CSMD1: variants seen among roughly 807,000 people sequenced by gnomAD.
CSMD1 encodes the protein CUB and sushi domain-containing protein 1.
Under a neutral mutation model 417.5 loss-of-function variants are expected in CSMD1, and 213 were observed. That is an observed-to-expected ratio of 0.51 (90% CI 0.46 to 0.57). The LOEUF (loss-of-function observed/expected upper bound fraction) is 0.57. Ranked by LOEUF, CSMD1 falls within the 20% of genes least tolerant of loss-of-function variation. The probability of loss-of-function intolerance (pLI) is 0.00; values close to 1 mark genes in which losing one functional copy is unlikely to be tolerated. For missense variants in CSMD1, 6,923 were observed against 4,529.7 expected (o/e 1.53, Z -15.17); for synonymous variants, 2,862 against 1,736.8 (o/e 1.65, Z -16.11).
intron 3 of CSMD1, among the ~76,000 whole-genome samples, chr8:4,186,494 A>C (rs533824548): frequency 1.3e-5 from 2 of 152,166 alleles, no homozygotes; most frequent in African/African-American, 2.4e-5. Flanking sequence ...TAAATAAATA[A>C]GATGGAATTT....
intron 1 of CSMD1, among the ~76,000 whole-genome samples, chr8:4,932,895 G>A (rs1454356465): frequency 6.6e-6 from 1 of 152,104 alleles, no homozygotes; most frequent in Non-Finnish European, 1.5e-5. Context: ...TTTTTACTAT[G>A]GCTTAAAATT....
At chr8:4,720,855 GA>G in intron 1 of CSMD1, among the ~76,000 whole-genome samples, 1 of 152,254 alleles carries the variant, frequency 6.6e-6, no homozygotes, top group South Asian at 2.1e-4. Flanking sequence ...GAAGCCAAGG[GA>G]AAACCAAGAT....
chr8:4,245,941 T>C (rs752635681), intron 3 of CSMD1, among the ~76,000 whole-genome samples: 1 of 152,204 alleles, frequency 6.6e-6, no homozygotes, highest in East Asian at 1.9e-4. Flanking sequence ...AAATGACTTT[T>C]CCTTCTAAAC....
chr8:4,452,653 G>A (rs7825748), intron 2 of CSMD1, among the ~76,000 whole-genome samples: 61,753 of 151,932 alleles, frequency 0.41, 12,837 homozygotes, highest in Middle Eastern at 0.55. Flanking sequence ...TGAGTGAAAC[G>A]TAACATTGCA....
At chr8:3,817,736 G>A (rs1254117613) in intron 5 of CSMD1, among the ~76,000 whole-genome samples, 3 of 152,078 alleles carry the variant, frequency 2.0e-5, no homozygotes, top group African/African-American at 7.2e-5. Flanking sequence ...AAGAGCTAAG[G>A]AGAAATAACT....
chr8:3,326,929 C>G (rs929828363), intron 23 of CSMD1, among the ~76,000 whole-genome samples: 2 of 151,974 alleles, frequency 1.3e-5, no homozygotes, highest in African/African-American at 4.8e-5. Context: ...GTAATCTCGG[C>G]TCTTAGGGAG....
chr8:4,209,305 C>T (rs554981704), intron 3 of CSMD1, among the ~76,000 whole-genome samples: 2 of 152,136 alleles, frequency 1.3e-5, no homozygotes, highest in African/African-American at 4.8e-5. Context: ...TTCAGTGGTT[C>T]CCATCTATGA....
chr8:3,844,983 T>C (rs1803403071), intron 5 of CSMD1, among the ~76,000 whole-genome samples: 1 of 152,212 alleles, frequency 6.6e-6, no homozygotes, highest in Non-Finnish European at 1.5e-5. Context: ...GATATGCAGA[T>C]ACTGCACAAA....
chr8:4,055,478 C>A (rs1251499120), intron 3 of CSMD1, among the ~76,000 whole-genome samples: 2 of 151,780 alleles, frequency 1.3e-5, no homozygotes, highest in South Asian at 4.2e-4. Context: ...ATATGAAATA[C>A]ATATGTAAAG....
At chr8:4,937,411 A>T (rs1807694858) in intron 1 of CSMD1, among the ~76,000 whole-genome samples, 1 of 152,142 alleles carries the variant, frequency 6.6e-6, no homozygotes, top group Admixed American at 6.5e-5. Flanking sequence ...CAGGTTGAAG[A>T]ATTCATATAA....
At chr8:3,526,470 A>C (rs180874802) in intron 10 of CSMD1, among the ~76,000 whole-genome samples, 1 of 152,162 alleles carries the variant, frequency 6.6e-6, no homozygotes, top group Admixed American at 6.5e-5. Flanking sequence ...GAAGCTGGCT[A>C]TTCTGTAGAA....
chr8:3,054,277 C>G (rs1812065960), intron 49 of CSMD1, among the ~76,000 whole-genome samples: 1 of 152,196 alleles, frequency 6.6e-6, no homozygotes, highest in Non-Finnish European at 1.5e-5. Flanking sequence ...ATTTCAAGCT[C>G]TAAAATGTCT....
At position 4,578,332 on chromosome 8, in the gene CSMD1, A is replaced by ATTTTTCTTT. The variant is rs1799238990; in HGVS notation, c.302+59009_302+59010insAAAGAAAAA. On this transcript the variant is annotated intron_variant, in intron 2 of 69. Transcript: ENST00000635120. ...AGGCACCTGCCACGACACCCGGCTC[A>ATTTTTCTTT]TTTTTTTTTTTTTTTTTTTTTTTTT... is the stretch of plus-strand genomic sequence containing the variant. Among the ~76,000 whole-genome samples, 9 of 48,778 alleles carry ATTTTTCTTT rather than the reference A, an allele frequency of 1.8e-4. 1 individual carries two copies. The highest frequency in any genetic ancestry group is 7.2e-4 in the Admixed American group (2 of 2,762). The allele number at this position is 48,778 out of a possible 152,430, so 32.0% of individuals were successfully genotyped here.
chr8:4,037,977 C>T (rs1413813153), intron 3 of CSMD1, among the ~76,000 whole-genome samples: 1 of 151,948 alleles, frequency 6.6e-6, no homozygotes, highest in South Asian at 2.1e-4. Flanking sequence ...AACAATGAAT[C>T]AAAAAATAAT....
intron 25 of CSMD1, among the ~76,000 whole-genome samples, chr8:3,295,597 T>C (rs1253195958): frequency 2.0e-5 from 3 of 152,214 alleles, no homozygotes; most frequent in Non-Finnish European, 4.4e-5. Flanking sequence ...TATTCCACTG[T>C]ACTGATGCAA....
chr8:4,769,691 T>A (rs1796507466), intron 1 of CSMD1, among the ~76,000 whole-genome samples: 1 of 152,152 alleles, frequency 6.6e-6, no homozygotes, highest in Non-Finnish European at 1.5e-5. Flanking sequence ...GAGCTGCACG[T>A]CAGTTGCATA....
intron 55 of CSMD1, among the ~76,000 whole-genome samples, chr8:2,978,367 C>A (rs1256101064): frequency 6.6e-6 from 1 of 152,194 alleles, no homozygotes. Flanking sequence ...GTCCAAGTGG[C>A]ATCCAATAAC....
chr8:3,365,720 G>C (rs1278659623), intron 20 of CSMD1, among the ~76,000 whole-genome samples: 2 of 152,218 alleles, frequency 1.3e-5, no homozygotes, highest in Non-Finnish European at 2.9e-5. Flanking sequence ...GCTATTAGTA[G>C]TTAAGTTTTT....
chr8:4,351,758 G>C (rs1483635784), intron 3 of CSMD1, among the ~76,000 whole-genome samples: 13 of 152,122 alleles, frequency 8.5e-5, no homozygotes, highest in Non-Finnish European at 1.6e-4. Context: ...ACCCACTTGA[G>C]AAGATGTGAA....
Sources: allele counts gnomAD v4.1 joint callset (sites outside exome capture counted in the v4.1 genomes callset), GRCh38; gene constraint gnomAD v4.1.1; transcripts MANE v1.5; gene names NCBI Gene and HGNC (gene_info 2026-07-23, HGNC 2026-07-21).